EYS: variants seen among roughly 807,000 people sequenced by gnomAD.
EYS encodes EGF-like photoreceptor maintenance factor, also known as protein eyes shut homolog.
A neutral mutation model predicts 282.1 loss-of-function variants in EYS; 250 were observed. The ratio of observed to expected loss-of-function variants is 0.89; its 90% CI spans 0.80 to 0.98. EYS has a LOEUF of 0.98. Ranked by LOEUF, EYS falls within the 50% of genes least tolerant of loss-of-function variation. EYS has a pLI of 0.00. For synonymous variants in EYS, 1,355 were observed against 1,282.9 expected (o/e 1.06, Z -1.20); for missense variants, 4,016 against 3,709.0 (o/e 1.08, Z -2.15).
intron 22 of EYS, among the ~76,000 whole-genome samples, chr6:64,655,676 A>G (rs1241474383): frequency 1.3e-5 from 2 of 152,182 alleles, no homozygotes; most frequent in African/African-American, 4.8e-5. Context: ...TGACTGGCTT[A>G]CTGATAATTT....
At chr6:65,395,957 T>C (rs1766264608) in intron 7 of EYS, among the ~76,000 whole-genome samples, 1 of 152,220 alleles carries the variant, frequency 6.6e-6, no homozygotes, top group Non-Finnish European at 1.5e-5. Context: ...TGTTTGTCTT[T>C]ATCTGGCTGA....
intron 26 of EYS, among the ~76,000 whole-genome samples, chr6:64,586,112 C>A (rs770058518): frequency 1.3e-5 from 2 of 151,982 alleles, no homozygotes; most frequent in Non-Finnish European, 2.9e-5. Context: ...AAAGTAGGGT[C>A]GTTAGGAGGT....
rs145462867 is a variant in EYS at position 64,024,874 on chromosome 6, A to T, written c.6726-25691T>A. On this transcript the variant is annotated intron_variant, in intron 33 of 42. Coordinates refer to ENST00000503581, the MANE Select transcript of EYS (RefSeq NM_001142800.2). ...GACGCGCCACCCTAAGAGTTGTAAC[A>T]CTCACCGTGAGGGTCTGCGGCTTCA... Among the ~76,000 whole-genome samples the T allele has an allele frequency of 4.7e-3, 715 of 152,132 alleles. 2 individuals are homozygous for T. The highest frequency in any genetic ancestry group is 7.2e-3 in the Non-Finnish European group (489 of 67,992).
intron 31 of EYS, among the ~76,000 whole-genome samples, chr6:64,191,150 C>T (rs1765090873): frequency 6.6e-6 from 1 of 151,978 alleles, no homozygotes; most frequent in South Asian, 2.1e-4. Flanking sequence ...CTTGGCTTAT[C>T]TTTCCACTTT....
intron 24 of EYS, among the ~76,000 whole-genome samples, chr6:64,615,960 G>T (rs759710995): frequency 4.6e-5 from 7 of 151,854 alleles, no homozygotes; most frequent in Admixed American, 6.6e-5. Flanking sequence ...TTATCCTTCA[G>T]ATTTGATTTT....
chr6:64,058,637 C>T (rs1460154040), intron 33 of EYS, among the ~76,000 whole-genome samples: 1 of 152,122 alleles, frequency 6.6e-6, no homozygotes, highest in Non-Finnish European at 1.5e-5. Flanking sequence ...GTGCTATATG[C>T]CAGAGTGTTC....
chr6:64,380,077 C>T (rs141516729), intron 29 of EYS, among the ~76,000 whole-genome samples: 2 of 150,390 alleles, frequency 1.3e-5, no homozygotes, highest in Non-Finnish European at 3.0e-5. Context: ...TATAGATTTT[C>T]CCCCATGTAG....
At chr6:64,411,098 G>A (rs1773875025) in intron 28 of EYS, among the ~76,000 whole-genome samples, 1 of 152,030 alleles carries the variant, frequency 6.6e-6, no homozygotes, top group South Asian at 2.1e-4. Flanking sequence ...GAGAAACACT[G>A]AATCTTCCTT....
intron 30 of EYS, among the ~76,000 whole-genome samples, chr6:64,285,503 G>A (rs561230148): frequency 1.6e-4 from 24 of 152,280 alleles, no homozygotes; most frequent in African/African-American, 5.3e-4. Context: ...AGCCATTCAA[G>A]TGTCTAGGAA....
intron 13 of EYS, among the ~76,000 whole-genome samples, chr6:64,998,495 T>G (rs1313633264): frequency 6.6e-6 from 1 of 152,218 alleles, no homozygotes; most frequent in Non-Finnish European, 1.5e-5. Flanking sequence ...CTGTAATAAA[T>G]GTATCTAGCT....
intron 29 of EYS, among the ~76,000 whole-genome samples, chr6:64,315,088 G>C (rs1356037591): frequency 6.6e-6 from 1 of 151,580 alleles, no homozygotes; most frequent in Non-Finnish European, 1.5e-5. Flanking sequence ...AATGATAAAG[G>C]GGATATCACC....
chr6:65,140,673 T>C (rs1468078751), intron 12 of EYS, among the ~76,000 whole-genome samples: 1 of 151,700 alleles, frequency 6.6e-6, no homozygotes, highest in African/African-American at 2.4e-5. Context: ...CATCAAAAAG[T>C]GGGCAAAGGA....
At chr6:65,093,761 A>G (rs1774641384) in intron 12 of EYS, among the ~76,000 whole-genome samples, 2 of 151,972 alleles carry the variant, frequency 1.3e-5, no homozygotes, top group South Asian at 4.1e-4. Flanking sequence ...TAAAATTTTA[A>G]TTAAAAGTCC....
chr6:63,802,571 G>A (rs1770807253), intron 37 of EYS, among the ~76,000 whole-genome samples: 1 of 152,050 alleles, frequency 6.6e-6, no homozygotes, highest in East Asian at 1.9e-4. Flanking sequence ...GGGAACTAGA[G>A]TTTTAACAAG....
At chr6:63,739,243 G>A (rs553631130) in intron 41 of EYS, among the ~76,000 whole-genome samples, 1 of 152,224 alleles carries the variant, frequency 6.6e-6, no homozygotes, top group African/African-American at 2.4e-5. Context: ...AGCAGACTCT[G>A]GGATGGAACT....
chr6:65,580,266 A>G (rs1764821611), intron 2 of EYS, among the ~76,000 whole-genome samples: 1 of 152,158 alleles, frequency 6.6e-6, no homozygotes, highest in Admixed American at 6.5e-5. Context: ...TGGAGAAAAG[A>G]TTGCTTTGAA....
chr6:64,953,014 T>C (rs960269690), intron 14 of EYS, among the ~76,000 whole-genome samples: 4 of 151,928 alleles, frequency 2.6e-5, no homozygotes, highest in African/African-American at 4.8e-5. Flanking sequence ...CATTTCTAGA[T>C]ATTTAATAAT....
chr6:65,241,328 T>C (rs1767052542), intron 12 of EYS, among the ~76,000 whole-genome samples: 1 of 152,128 alleles, frequency 6.6e-6, no homozygotes, highest in African/African-American at 2.4e-5. Context: ...ATGATTGAGT[T>C]ACAGTTACAC....
chr6:63,877,635 A>G (rs993121035), intron 35 of EYS, among the ~76,000 whole-genome samples: 2 of 149,938 alleles, frequency 1.3e-5, no homozygotes, highest in Non-Finnish European at 3.0e-5. Flanking sequence ...TTTTTTTTAC[A>G]TAGCCCCATA....
Sources: allele counts gnomAD v4.1 joint callset (sites outside exome capture counted in the v4.1 genomes callset), GRCh38; gene constraint gnomAD v4.1.1; transcripts MANE v1.5; gene names NCBI Gene and HGNC (gene_info 2026-07-23, HGNC 2026-07-21).